Variants in SPMIP7 observed in about 807,000 individuals in gnomAD.
The protein encoded by SPMIP7 is protein SPMIP7.
the SPMIP7 span, among the ~76,000 whole-genome samples, chr7:50,118,990 G>A: frequency 6.6e-6 from 1 of 152,068 alleles, no homozygotes; most frequent in East Asian, 1.9e-4. Context: ...AGGCTTTAAT[G>A]CATTATGTCA....
the SPMIP7 span, chr7:50,104,399 G>A: frequency 1.3e-6 from 2 of 1,518,324 alleles, no homozygotes; most frequent in African/African-American, 1.4e-5. Flanking sequence ...TTGATGAGGA[G>A]GCAACATGTA....
the SPMIP7 span, chr7:50,096,111 C>T: frequency 6.6e-7 from 1 of 1,514,922 alleles, no homozygotes; most frequent in Admixed American, 2.2e-5. Context: ...CAGGACACAC[C>T]TGGAAAGATA....
chr7:50,136,524 T>C, the SPMIP7 span, among the ~76,000 whole-genome samples: 1 of 152,126 alleles, frequency 6.6e-6, no homozygotes, highest in Non-Finnish European at 1.5e-5. Flanking sequence ...GCGAGACTCA[T>C]CTCAAATAAA....
At chr7:50,106,568 T>C in the SPMIP7 span, among the ~76,000 whole-genome samples, 11 of 152,350 alleles carry the variant, frequency 7.2e-5, no homozygotes, top group Middle Eastern at 3.4e-3. Flanking sequence ...AGATATTATC[T>C]TATTAAACCT....
At chr7:50,117,457 G>T in the SPMIP7 span, 1 of 257,112 alleles carries the variant, frequency 3.9e-6, no homozygotes, top group Non-Finnish European at 8.0e-6. Context: ...GACAAACTCT[G>T]TATTTGTCAG....
the SPMIP7 span, among the ~76,000 whole-genome samples, chr7:50,125,137 C>CACATATACACACATATATAT: frequency 2.6e-5 from 1 of 38,920 alleles, no homozygotes; most frequent in African/African-American, 1.2e-4. Flanking sequence ...CACACACACA[C>CACATATACACACATATATAT]ACACATATAC....
At chr7:50,111,393 C>T in the SPMIP7 span, among the ~76,000 whole-genome samples, 1 of 152,058 alleles carries the variant, frequency 6.6e-6, no homozygotes, top group South Asian at 2.1e-4. Flanking sequence ...CCAGATGTTC[C>T]ATTTGCATAG....
the SPMIP7 span, among the ~76,000 whole-genome samples, chr7:50,109,362 A>AATTT: frequency 0.05 from 634 of 12,608 alleles, 2 homozygotes; most frequent in East Asian, 0.3. Flanking sequence ...AACACAGTTT[A>AATTT]ATTTATTTAT....
the SPMIP7 span, among the ~76,000 whole-genome samples, chr7:50,140,886 C>T: frequency 6.6e-6 from 1 of 152,202 alleles, no homozygotes; most frequent in Non-Finnish European, 1.5e-5. Context: ...CCAAGCTCCT[C>T]TGCACCTGTG....
the SPMIP7 span, among the ~76,000 whole-genome samples, chr7:50,106,210 C>G: frequency 6.6e-6 from 1 of 152,162 alleles, no homozygotes; most frequent in Non-Finnish European, 1.5e-5. Context: ...GATAGACTCT[C>G]TAAAATTTAA....
At chr7:50,099,926 G>A in the SPMIP7 span, among the ~76,000 whole-genome samples, 1 of 152,268 alleles carries the variant, frequency 6.6e-6, no homozygotes, top group South Asian at 2.1e-4. Context: ...TTCCAGAACT[G>A]GTGAGATAAA....
At chr7:50,103,066 A>AT in the SPMIP7 span, among the ~76,000 whole-genome samples, 734 of 135,992 alleles carry the variant, frequency 5.4e-3, 16 homozygotes, top group South Asian at 0.074. Flanking sequence ...ATATATATAT[A>AT]ATATATATAA....
the SPMIP7 span, chr7:50,096,131 A>G: frequency 6.5e-7 from 1 of 1,538,842 alleles, no homozygotes; most frequent in African/African-American, 1.4e-5. Flanking sequence ...AAGTATCTCT[A>G]AAAGGTCCAT....
chr7:50,157,072 C>T, the SPMIP7 span, among the ~76,000 whole-genome samples: 4 of 152,186 alleles, frequency 2.6e-5, no homozygotes, highest in Non-Finnish European at 4.4e-5. Context: ...CCATTGGATC[C>T]GCTTGATGCA....
chr7:50,138,477 T>A, the SPMIP7 span, among the ~76,000 whole-genome samples: 1 of 152,214 alleles, frequency 6.6e-6, no homozygotes, highest in African/African-American at 2.4e-5. Flanking sequence ...GAAAAAATTA[T>A]TCATTCCATC....
chr7:50,113,556 G>A, the SPMIP7 span, among the ~76,000 whole-genome samples: 2 of 152,138 alleles, frequency 1.3e-5, no homozygotes, highest in African/African-American at 4.8e-5. Context: ...AGATAAGTTG[G>A]TAGTTTTAAG....
the SPMIP7 span, among the ~76,000 whole-genome samples, chr7:50,137,038 C>A: frequency 2.6e-5 from 4 of 152,008 alleles, no homozygotes; most frequent in African/African-American, 9.7e-5. Flanking sequence ...TTTGACATTT[C>A]ACATTTTCAT....
the SPMIP7 span, among the ~76,000 whole-genome samples, chr7:50,151,856 G>A: frequency 6.1e-4 from 93 of 152,148 alleles, 1 homozygote; most frequent in Non-Finnish European, 8.8e-5. Context: ...TATTTCAGGC[G>A]CATTAGAGGA....
the SPMIP7 span, among the ~76,000 whole-genome samples, chr7:50,121,597 C>T: frequency 1.3e-5 from 2 of 152,096 alleles, no homozygotes; most frequent in Admixed American, 6.6e-5. Context: ...ACCTTTTTCA[C>T]GAATCTTTTT....
Sources: allele counts gnomAD v4.1 joint callset (sites outside exome capture counted in the v4.1 genomes callset), GRCh38; gene constraint gnomAD v4.1.1; transcripts MANE v1.5; gene names NCBI Gene and HGNC (gene_info 2026-07-23, HGNC 2026-07-21).